ZNF326: variants seen among roughly 807,000 people sequenced by gnomAD.
ZNF326 encodes the protein DBIRD complex subunit ZNF326.
ZNF326 carries 30 observed loss-of-function variants against 63.1 expected under a neutral mutation model. The observed-to-expected ratio is 0.48, with a 90% CI of 0.36 to 0.64. ZNF326 has a LOEUF of 0.64. ZNF326 is among the 30% of genes least tolerant of loss of function. The probability of loss-of-function intolerance (pLI) is 0.00; values close to 1 mark genes in which losing one functional copy is unlikely to be tolerated. For missense variants in ZNF326, 609 were observed against 720.3 expected (o/e 0.85, Z 1.77); for synonymous variants, 194 against 228.2 (o/e 0.85, Z 1.35).
intron 2 of ZNF326, among the ~76,000 whole-genome samples, chr1:90,003,014 A>C (rs889287674): frequency 6.6e-6 from 1 of 152,226 alleles, no homozygotes; most frequent in Non-Finnish European, 1.5e-5. Context: ...TGTCAAGCTC[A>C]AGGTGGTAGA....
Position 90,004,997 on chromosome 1 carries a change from T to C in ZNF326, c.62-6T>C, listed in dbSNP as rs748274894. ...TACTGACAATTTCTTATTGACTCTC[T>C]TTTAGGAATGGATCGTGATTATGGC... On this transcript the variant is annotated splice_region_variant and splice_polypyrimidine_tract_variant and intron_variant, in intron 2 of 11. Coordinates refer to ENST00000340281, the MANE Select transcript of ZNF326 (RefSeq NM_182976.4). The C allele has an allele frequency of 7.7e-5, 125 of 1,613,600 alleles. 1 individual carries two copies. The highest frequency in any genetic ancestry group is 5.7e-4 in the South Asian group (52 of 91,048).
In ZNF326 at chr1:90,004,294, A is replaced by G. The variant is rs1191491232; in HGVS notation, c.62-709A>G. On this transcript the variant is annotated intron_variant, in intron 2 of 11. Coordinates refer to ENST00000340281, the MANE Select transcript of ZNF326 (RefSeq NM_182976.4). ...GTCTCAATCTGTGATTTTACTTTTT[A>G]AAAATATCTGTTTCAATTACTGTGA... 2.0e-5 allele frequency among the ~76,000 whole-genome samples: 3 copies of G among 152,198 alleles called. No individual in the cohort carries two copies. In the East Asian group the frequency reaches 5.8e-4, roughly 29 times the overall value.
chr1:90,001,995 T>C (rs141121114), intron 2 of ZNF326, among the ~76,000 whole-genome samples: 31 of 152,218 alleles, frequency 2.0e-4, no homozygotes, highest in Non-Finnish European at 3.8e-4. Flanking sequence ...ATTTAAATTA[T>C]TAGGTCAGTT....
chr1:90,003,322 C>T (rs768200590), intron 2 of ZNF326, among the ~76,000 whole-genome samples: 17 of 151,890 alleles, frequency 1.1e-4, no homozygotes, highest in Non-Finnish European at 2.2e-4. Flanking sequence ...TTAGTAGAGA[C>T]GGGGTTTCAC....
Position 90,034,860 on chromosome 1 carries a change from C to T in ZNF326, c.*7159C>T, listed in dbSNP as rs1401396998. 2 of 152,052 alleles carry T rather than the reference C, an allele frequency of 1.3e-5. No individual in the cohort carries two copies. Among genetic ancestry groups the T allele is most frequent in the African/African-American group, 4.8e-5 (2 of 41,400 alleles). 9.4% of individuals were successfully genotyped at this position (152,052 alleles called of 1,614,324 possible). On this transcript the variant is annotated 3_prime_UTR_variant, in exon 12 of 12. Coordinates refer to ENST00000340281, the MANE Select transcript of ZNF326 (RefSeq NM_182976.4). The stretch of plus-strand genomic sequence containing the variant: ...TACGAACAAATGTAATTTGTTGAAA[C>T]TGGTCATGTTGAAAAAACATGACCA...
chr1:90,000,337 A>G (rs1648611956), intron 2 of ZNF326, among the ~76,000 whole-genome samples: 1 of 152,196 alleles, frequency 6.6e-6, no homozygotes, highest in Non-Finnish European at 1.5e-5. Flanking sequence ...TTGGAAGGAA[A>G]ATGTATTTCC....
Position 90,022,310 on chromosome 1 carries a change from C to G in ZNF326, c.1366C>G (p.Pro456Ala). The G allele has an allele frequency of 1.9e-6, 3 of 1,612,812 alleles. No homozygotes were observed. Among genetic ancestry groups the G allele is most frequent in the Non-Finnish European group, 2.5e-6 (3 of 1,179,326 alleles). Reference sequence around the variant, plus strand: ...GACTGCTACAAGCATTTTAAATAATCCAATAGTGAAGGCGCGATATGAACG... The same window carrying G: ...GACTGCTACAAGCATTTTAAATAATGCAATAGTGAAGGCGCGATATGAACG... ...VLTATSILNN[P>A]IVKARYERFV... Residue 456 changes from proline (P) to alanine (A), a missense_variant, in exon 11 of 12, where the codon CCA (proline) becomes GCA (alanine). Pro to Ala is a conservative substitution (Grantham distance 27, BLOSUM62 -1). Around this residue, in one of 3 missense-constraint regions of ZNF326, gnomAD observed 399 missense variants for 444.3 expected, o/e 0.90. Coordinates refer to ENST00000340281, the MANE Select transcript of ZNF326 (RefSeq NM_182976.4).
At chr1:90,013,414 A>C (rs1033524974) in intron 7 of ZNF326, among the ~76,000 whole-genome samples, 177 bp downstream of exon 7, 1 of 152,256 alleles carries the variant, frequency 6.6e-6, no homozygotes, top group South Asian at 2.1e-4. Flanking sequence ...TAGAAAACAT[A>C]AGAAAAAAGG....
At chr1:90,018,660 A>C in intron 8 of ZNF326, 25 bp from the exon 9 acceptor site, 1 of 1,403,376 alleles carries the variant, frequency 7.1e-7, no homozygotes. Context: ...AAAGCTATTT[A>C]GATTCTTTCT....
chr1:89,995,549 C>T (rs978907071), intron 1 of ZNF326, among the ~76,000 whole-genome samples: 1 of 152,276 alleles, frequency 6.6e-6, no homozygotes, highest in African/African-American at 2.4e-5. Flanking sequence ...GAGCCCCAGA[C>T]TCGCCTTGGC....
chr1:90,010,310 A>T (rs200500012), intron 6 of ZNF326, 24 bp downstream of exon 6: 1 of 1,593,492 alleles, frequency 6.3e-7, no homozygotes, highest in East Asian at 2.2e-5. Context: ...CATAATTGCT[A>T]TGATTCAGGA....
In ZNF326 at chr1:89,995,261, G is replaced by T. The variant is rs1270647207; in HGVS notation, c.4G>T (p.Asp2Tyr). 1.3e-6 allele frequency: 2 copies of T among 1,555,694 alleles called. No individual in the cohort carries two copies. The highest frequency in any genetic ancestry group is 8.7e-7 in the Non-Finnish European group (1 of 1,152,788). M[D>Y]FEDDYTHSAC... ...CCGACGGCCCTCAGCCTCTGCCATGGACTTCGAGGACGGTAAGCGCTGCCT... is the reference window on the plus strand; with the variant it reads ...CCGACGGCCCTCAGCCTCTGCCATGTACTTCGAGGACGGTAAGCGCTGCCT... The change falls in exon 1 of 12, where the codon GAC (aspartate) becomes TAC (tyrosine). Residue 2 changes from aspartate (D) to tyrosine (Y), a missense_variant. Asp to Tyr is a radical substitution (Grantham distance 160). Around this residue, in one of 3 missense-constraint regions of ZNF326, gnomAD observed 97 missense variants for 88.7 expected, o/e 1.09. Transcript: ENST00000340281.
chr1:90,031,618 A>T lies in ZNF326; in HGVS notation c.*3917A>T, dbSNP rs981964393. On this transcript the variant is annotated 3_prime_UTR_variant, in exon 12 of 12. Coordinates refer to ENST00000340281, the MANE Select transcript of ZNF326 (RefSeq NM_182976.4). ...GTCACCCAGGCTGGAGTTCAGTGGC[A>T]CTATCTCAGCTCACTGCAATCTCTG... 9 of 149,530 alleles carry T rather than the reference A, an allele frequency of 6.0e-5. No homozygotes were observed. The highest frequency in any genetic ancestry group is 2.2e-4 in the African/African-American group (9 of 40,452). 9.3% of individuals were successfully genotyped at this position (149,530 alleles called of 1,614,324 possible).
intron 6 of ZNF326, among the ~76,000 whole-genome samples, chr1:90,010,813 A>G (rs919645667): frequency 3.9e-5 from 6 of 152,148 alleles, no homozygotes; most frequent in Non-Finnish European, 1.5e-5. Flanking sequence ...TATATTTTCT[A>G]TAATATAAAA....
At chr1:90,021,291 T>C (rs949533087) in intron 10 of ZNF326, among the ~76,000 whole-genome samples, 6 of 152,074 alleles carry the variant, frequency 3.9e-5, no homozygotes, top group African/African-American at 1.4e-4. Flanking sequence ...ATTCAGGAAA[T>C]CGTAGCTTTT....
rs1178380719 is a variant in ZNF326, at chr1:90,033,391, A to C, written c.*5690A>C. On this transcript the variant is annotated 3_prime_UTR_variant, in exon 12 of 12. Coordinates refer to ENST00000340281, the MANE Select transcript of ZNF326 (RefSeq NM_182976.4). ...AAGCAGAAAGAATTCCTGGGGAAAC[A>C]ATTCAGGGGGAAAAAATGACCAAGT... 4 of 152,274 alleles carry C rather than the reference A, an allele frequency of 2.6e-5. No homozygotes were observed. Among genetic ancestry groups the C allele is most frequent in the African/African-American group, 9.6e-5 (4 of 41,560 alleles). 9.4% of individuals were successfully genotyped at this position (152,274 alleles called of 1,614,324 possible).
intron 7 of ZNF326, among the ~76,000 whole-genome samples, chr1:90,016,913 G>A (rs1054176456): frequency 6.6e-6 from 1 of 152,132 alleles, no homozygotes; most frequent in Admixed American, 6.6e-5. Flanking sequence ...ATTGTCTGGT[G>A]GTGTGCCACC....
intron 7 of ZNF326, 82 bp downstream of exon 7, chr1:90,013,319 A>T (rs1039978435): frequency 1.6e-5 from 17 of 1,048,958 alleles, no homozygotes; most frequent in Admixed American, 3.5e-5. Context: ...TAATATTAAA[A>T]AGTTCTTAAG....
At position 90,027,586 on chromosome 1, in the gene ZNF326, G is replaced by A; in HGVS notation, c.1634G>A (p.Gly545Glu). 2 of 1,611,004 alleles carry A rather than the reference G, an allele frequency of 1.2e-6. No homozygotes were observed. Among genetic ancestry groups the A allele is most frequent in the East Asian group, 2.2e-5 (1 of 44,788 alleles). Residue 545 changes from glycine to glutamate, a missense_variant, in exon 12 of 12, where the codon GGG (glycine) becomes GAG (glutamate). Transcript: ENST00000340281. ...GGAGTAGGGGAAGGAGGGGAAGTAGGGGTAGTGGGAGAAGTAGAGGGAGTG... is the reference window on the plus strand; with the variant it reads ...GGAGTAGGGGAAGGAGGGGAAGTAGAGGTAGTGGGAGAAGTAGAGGGAGTG... ...IQGVGEGGEVGVVGEVEGVGE... is the reference protein window; with the variant it reads ...IQGVGEGGEVEVVGEVEGVGE...
Sources: allele counts gnomAD v4.1 joint callset (sites outside exome capture counted in the v4.1 genomes callset), GRCh38; gene constraint gnomAD v4.1.1; regional missense constraint gnomAD v4.1.1; transcripts MANE v1.5; gene names NCBI Gene and HGNC (gene_info 2026-07-23, HGNC 2026-07-21).